Variants in CACNA2D1 observed in about 807,000 individuals in gnomAD.
CACNA2D1 encodes voltage-dependent calcium channel subunit alpha-2/delta-1.
A neutral mutation model predicts 171.5 loss-of-function variants in CACNA2D1; 53 were observed. The ratio of observed to expected loss-of-function variants is 0.31; its 90% CI spans 0.25 to 0.39. The LOEUF (loss-of-function observed/expected upper bound fraction) is 0.39. CACNA2D1 is among the 10% of genes least tolerant of loss of function. The probability of loss-of-function intolerance (pLI) is 1.00; values close to 1 mark genes in which losing one functional copy is unlikely to be tolerated. For missense variants in CACNA2D1, 903 were observed against 1,299.8 expected (o/e 0.69, Z 4.69); for synonymous variants, 442 against 443.1 (o/e 1.00, Z 0.03).
chr7:82,234,298 A>G (rs1395460501), intron 3 of CACNA2D1, among the ~76,000 whole-genome samples: 1 of 152,128 alleles, frequency 6.6e-6, no homozygotes, highest in African/African-American at 2.4e-5. Flanking sequence ...ATCTTCCTAT[A>G]TTAATAGGTT....
chr7:82,295,576 G>A (rs561217961), intron 3 of CACNA2D1, among the ~76,000 whole-genome samples: 12 of 150,916 alleles, frequency 8.0e-5, no homozygotes, highest in East Asian at 3.9e-4. Context: ...GGCTAGTCTC[G>A]AACTCCTGAA....
At chr7:81,962,599 A>T in intron 34 of CACNA2D1, 104 bp from the exon 35 acceptor site, 4 of 739,932 alleles carry the variant, frequency 5.4e-6, no homozygotes, top group Non-Finnish European at 9.4e-6. Context: ...TTTGGGAAAG[A>T]AAGTCTTGGA....
At chr7:82,038,670 T>C (rs1428934019) in intron 10 of CACNA2D1, among the ~76,000 whole-genome samples, 1 of 152,190 alleles carries the variant, frequency 6.6e-6, no homozygotes, top group Non-Finnish European at 1.5e-5. Context: ...AGTAATACAC[T>C]GAATAACATG....
Position 82,431,013 on chromosome 7 carries a change from C to T in CACNA2D1, c.95+12352G>A, listed in dbSNP as rs571267576. ...CTGACTGAAATGTCACAACAAAGCA[C>T]ATCAAATGCTTTGTGGTTCTGCTTT... On this transcript the variant is annotated intron_variant, in intron 1 of 38. Coordinates refer to ENST00000356860, the MANE Select transcript of CACNA2D1 (RefSeq NM_000722.4). Among the ~76,000 whole-genome samples the T allele has an allele frequency of 2.6e-4, 39 of 152,258 alleles. 1 individual carries two copies. In the South Asian group the frequency reaches 5.8e-3, roughly 23 times the overall value.
At chr7:82,227,070 C>A (rs2129268350) in intron 3 of CACNA2D1, among the ~76,000 whole-genome samples, 1 of 152,210 alleles carries the variant, frequency 6.6e-6, no homozygotes, top group African/African-American at 2.4e-5. Flanking sequence ...CAGATTAGTA[C>A]AACTGAAAGG....
At chr7:82,192,800 A>AACAC (rs148920133) in intron 3 of CACNA2D1, among the ~76,000 whole-genome samples, 12,341 of 147,520 alleles carry the variant, frequency 0.084, 845 homozygotes, top group African/African-American at 0.16. Context: ...ACTCTAACTA[A>AACAC]ACACACACAC....
chr7:82,342,799 T>C (rs1279983089), intron 2 of CACNA2D1, among the ~76,000 whole-genome samples: 7 of 152,028 alleles, frequency 4.6e-5, no homozygotes, highest in Admixed American at 4.6e-4. Context: ...TACAAGGAGT[T>C]ATGGGAAAAT....
chr7:81,978,962 A>G (rs76009136), intron 24 of CACNA2D1, among the ~76,000 whole-genome samples: 14,036 of 150,314 alleles, frequency 0.093, 679 homozygotes, highest in Middle Eastern at 0.2. Context: ...GTAAATTTCG[A>G]TCTTCTAGTC....
At chr7:82,111,430 A>ATATATGTGTGTG (rs1788417267) in intron 6 of CACNA2D1, among the ~76,000 whole-genome samples, 4 of 64,292 alleles carry the variant, frequency 6.2e-5, no homozygotes, top group East Asian at 4.9e-4. Context: ...ATATGTGTGT[A>ATATATGTGTGTG]TATATATATA....
At chr7:82,179,957 A>T (rs975399811) in intron 3 of CACNA2D1, among the ~76,000 whole-genome samples, 4 of 152,142 alleles carry the variant, frequency 2.6e-5, no homozygotes, top group African/African-American at 9.7e-5. Context: ...TATTTCCATA[A>T]TAAAGTTATT....
intron 1 of CACNA2D1, among the ~76,000 whole-genome samples, chr7:82,358,053 A>T (rs1357865414): frequency 8.5e-5 from 13 of 152,140 alleles, no homozygotes; most frequent in Non-Finnish European, 1.5e-5. Context: ...CTGGGGAAAA[A>T]TTTAAATATC....
chr7:82,085,566 C>A (rs1042743827), intron 6 of CACNA2D1, among the ~76,000 whole-genome samples: 70 of 150,516 alleles, frequency 4.7e-4, no homozygotes, highest in African/African-American at 1.7e-3. Flanking sequence ...AGCTAATTAA[C>A]TATGTTTATA....
intron 1 of CACNA2D1, among the ~76,000 whole-genome samples, chr7:82,375,570 T>C (rs558466975): frequency 6.6e-6 from 1 of 152,088 alleles, no homozygotes; most frequent in African/African-American, 2.4e-5. Flanking sequence ...GGAGTACGTA[T>C]TATCTACACC....
chr7:81,980,643 T>A (rs1052377064), intron 24 of CACNA2D1, among the ~76,000 whole-genome samples: 9 of 152,040 alleles, frequency 5.9e-5, no homozygotes, highest in Non-Finnish European at 1.2e-4. Context: ...GAGACAGCAT[T>A]AAGAAATACA....
chr7:82,264,399 G>A (rs2299161), intron 3 of CACNA2D1, among the ~76,000 whole-genome samples: 7,506 of 149,966 alleles, frequency 0.05, 312 homozygotes, highest in East Asian at 0.1. Context: ...ATGTTTGCTT[G>A]TAAATGTAAA....
intron 1 of CACNA2D1, among the ~76,000 whole-genome samples, chr7:82,395,434 AT>A (rs1312597025): frequency 6.6e-6 from 1 of 152,140 alleles, no homozygotes; most frequent in Non-Finnish European, 1.5e-5. Flanking sequence ...TCAGATTTTA[AT>A]TTTAACGCTT....
intron 7 of CACNA2D1, 28 bp downstream of exon 7, chr7:82,084,741 G>A: frequency 6.2e-7 from 1 of 1,613,354 alleles, no homozygotes; most frequent in Non-Finnish European, 8.5e-7. Context: ...GCTGGAACTT[G>A]ACAATGATTG....
At chr7:82,060,253 TA>T (rs1319115117) in intron 10 of CACNA2D1, among the ~76,000 whole-genome samples, 174 bp downstream of exon 10, 1 of 73,974 alleles carries the variant, frequency 1.4e-5, no homozygotes, top group South Asian at 5.1e-4. Context: ...TAAAAAACCT[TA>T]AAAAAAGAAT....
chr7:81,958,180 G>A (rs1437163865), intron 38 of CACNA2D1, among the ~76,000 whole-genome samples: 2 of 151,746 alleles, frequency 1.3e-5, no homozygotes, highest in Admixed American at 1.3e-4. Flanking sequence ...AGATAACTGG[G>A]ATTGACTGGC....
Sources: allele counts gnomAD v4.1 joint callset (sites outside exome capture counted in the v4.1 genomes callset), GRCh38; gene constraint gnomAD v4.1.1; transcripts MANE v1.5; gene names NCBI Gene and HGNC (gene_info 2026-07-23, HGNC 2026-07-21).